Variants in GADL1 observed in about 807,000 individuals in gnomAD.
GADL1 encodes the protein acidic amino acid decarboxylase GADL1.
GADL1 carries 71 observed loss-of-function variants against 69.5 expected under a neutral mutation model. That is an observed-to-expected ratio of 1.02 (90% CI 0.84 to 1.25). The LOEUF is 1.25. Ranked by LOEUF, GADL1 falls within the 50% of genes most tolerant of loss-of-function variation. The pLI is 0.00. For missense variants in GADL1, 737 were observed against 631.8 expected (o/e 1.17, Z -1.79); for synonymous variants, 254 against 214.4 (o/e 1.18, Z -1.62).
Position 30,727,232 on chromosome 3 carries a change from A to T in GADL1, c.*1010T>A, listed in dbSNP as rs917645018. 3 of 150,948 alleles carry T rather than the reference A, an allele frequency of 2.0e-5. No homozygotes were observed. The highest frequency in any genetic ancestry group is 7.3e-5 in the African/African-American group (3 of 41,312). The allele number at this position is 150,948 out of a possible 1,614,324, so 9.4% of individuals were successfully genotyped here. ...TCAGGTATCTTGAATAAAGAAAATT[A>T]GTCATAGACGAAAAAAAAGAAAACC... On this transcript the variant is annotated 3_prime_UTR_variant, in exon 15 of 15. Transcript: ENST00000282538.
At position 30,861,788 on chromosome 3, in the gene GADL1, T is replaced by C. The variant is rs1246849675; in HGVS notation, c.38-23A>G. 3.3e-6 allele frequency: 5 copies of C among 1,510,784 alleles called. No homozygotes were observed. In the South Asian group the frequency reaches 6.2e-5, roughly 19 times the overall value. The allele number at this position is 1,510,784 out of a possible 1,614,324, so 93.6% of individuals were successfully genotyped here. A position where few individuals can be genotyped will look rare whatever the true frequency, so the allele number is the denominator to read the frequency against. Reference sequence around the variant, plus strand: ...CTCCTGGAAGCAAGCAAACAAATTGTGTTTGAGAGATAATCTAATTACACC... The same window carrying C: ...CTCCTGGAAGCAAGCAAACAAATTGCGTTTGAGAGATAATCTAATTACACC... On this transcript the variant is annotated intron_variant, in intron 1 of 14. Coordinates refer to ENST00000282538, the MANE Select transcript of GADL1 (RefSeq NM_207359.3).
At chr3:30,822,215 G>T (rs1697594405) in intron 11 of GADL1, among the ~76,000 whole-genome samples, 1 of 152,036 alleles carries the variant, frequency 6.6e-6, no homozygotes, top group Non-Finnish European at 1.5e-5. Context: ...AATTGAAGAA[G>T]ACAGGTTTAG....
chr3:30,740,229 A>T (rs936420259), intron 14 of GADL1, among the ~76,000 whole-genome samples: 1 of 152,186 alleles, frequency 6.6e-6, no homozygotes, highest in Non-Finnish European at 1.5e-5. Context: ...GGGCTCTGGT[A>T]TTTAAAAAGA....
At chr3:30,754,141 T>C (rs1010912821) in intron 14 of GADL1, among the ~76,000 whole-genome samples, 2 of 152,208 alleles carry the variant, frequency 1.3e-5, no homozygotes, top group Non-Finnish European at 2.9e-5. Context: ...AAAAACCCTT[T>C]TAAGAAAAAT....
At chr3:30,826,524 C>G (rs1406520178) in intron 11 of GADL1, among the ~76,000 whole-genome samples, 2 of 151,840 alleles carry the variant, frequency 1.3e-5, no homozygotes, top group African/African-American at 4.8e-5. Context: ...CTAAGCCAAA[C>G]TGACAAAATA....
intron 14 of GADL1, among the ~76,000 whole-genome samples, chr3:30,759,064 A>C (rs1254628652): frequency 7.9e-6 from 1 of 127,080 alleles, no homozygotes; most frequent in Non-Finnish European, 1.8e-5. Flanking sequence ...CATAATGATT[A>C]AAAATCCGTT....
chr3:30,839,014 G>A lies in GADL1; in HGVS notation c.886C>T (p.Leu296Phe), dbSNP rs1448610408. 7.5e-6 allele frequency: 12 copies of A among 1,597,388 alleles called. No homozygotes were observed. The highest frequency in any genetic ancestry group is 9.4e-6 in the Non-Finnish European group (11 of 1,170,604). ...GAACTTACATCTACATGAAGCCAGA[G>A]GCTGTGCCTCTCGCAGATGTCTGCT... Reference protein sequence around the residue: ...EIADICERHSLWLHVDASWGG... With the variant: ...EIADICERHSFWLHVDASWGG... The change falls in exon 9 of 15, where the codon CTC becomes TTC. Residue 296 changes from leucine (L) to phenylalanine (F), a missense_variant. By Grantham distance (22) the Leu-to-Phe change is conservative (BLOSUM62 0). Transcript: ENST00000282538.
At chr3:30,869,527 G>A (rs1397093387) in intron 1 of GADL1, among the ~76,000 whole-genome samples, 1 of 151,864 alleles carries the variant, frequency 6.6e-6, no homozygotes, top group African/African-American at 2.4e-5. Context: ...AAGGCTTAGG[G>A]ATTGAACCAT....
At chr3:30,832,591 C>A (rs994353404) in intron 11 of GADL1, among the ~76,000 whole-genome samples, 1 of 151,944 alleles carries the variant, frequency 6.6e-6, no homozygotes, top group Admixed American at 6.6e-5. Context: ...ATGTAAAATA[C>A]CTCACTCATA....
Position 30,728,040 on chromosome 3 carries a change from TCTTC to T in GADL1, c.*198_*201del. 2.2e-6 allele frequency: 1 copy of T among 462,316 alleles called. No individual in the cohort carries two copies. Among genetic ancestry groups the T allele is most frequent in the Non-Finnish European group, 3.8e-6 (1 of 260,602 alleles). The allele number at this position is 462,316 out of a possible 1,614,324, so 28.6% of individuals were successfully genotyped here. On this transcript the variant is annotated 3_prime_UTR_variant, in exon 15 of 15. Transcript: ENST00000282538. Reference sequence around the variant, plus strand: ...GAAAATCATTTTTTTTTTTAAACTTTCTTCTTTTAGCAACAGTAATGCCCAGGCA... The same window carrying T: ...GAAAATCATTTTTTTTTTTAAACTTTTTTTAGCAACAGTAATGCCCAGGCA...
intron 14 of GADL1, among the ~76,000 whole-genome samples, chr3:30,747,867 C>T (rs17026527): frequency 0.21 from 32,025 of 151,922 alleles, 5,077 homozygotes; most frequent in African/African-American, 0.45. Context: ...AGAGTTAAAA[C>T]GAGTCTGTTC....
chr3:30,773,787 C>T (rs980078788), intron 14 of GADL1, among the ~76,000 whole-genome samples: 1 of 152,090 alleles, frequency 6.6e-6, no homozygotes, highest in Non-Finnish European at 1.5e-5. Flanking sequence ...TAACTTAATA[C>T]ATTTTTAGAA....
intron 14 of GADL1, among the ~76,000 whole-genome samples, chr3:30,763,913 G>T (rs1414191499): frequency 6.6e-6 from 1 of 151,936 alleles, no homozygotes; most frequent in Non-Finnish European, 1.5e-5. Context: ...TTTGAAAAAT[G>T]ATTTTATAAA....
intron 1 of GADL1, among the ~76,000 whole-genome samples, chr3:30,875,367 A>G (rs1213255283): frequency 6.6e-6 from 1 of 151,914 alleles, no homozygotes. Flanking sequence ...TCTCATCCAC[A>G]AAATATCCTC....
At chr3:30,863,710 C>CAA (rs5847670) in intron 1 of GADL1, among the ~76,000 whole-genome samples, 49,425 of 150,450 alleles carry the variant, frequency 0.33, 8,307 homozygotes, top group East Asian at 0.53. Context: ...CAATGGTCTA[C>CAA]AAAAAAAAAC....
At chr3:30,860,658 ATACT>A (rs1365045902) in intron 2 of GADL1, among the ~76,000 whole-genome samples, 9 of 152,046 alleles carry the variant, frequency 5.9e-5, no homozygotes, top group Non-Finnish European at 1.3e-4. Context: ...TTTAAAAATG[ATACT>A]TATTTCTAAC....
intron 14 of GADL1, among the ~76,000 whole-genome samples, chr3:30,760,998 C>T (rs933359838): frequency 3.9e-5 from 6 of 152,034 alleles, no homozygotes; most frequent in African/African-American, 1.4e-4. Flanking sequence ...ACTGGCAAAA[C>T]AAGGATTAAA....
At chr3:30,850,459 A>G (rs985516022) in intron 5 of GADL1, among the ~76,000 whole-genome samples, 3 of 152,116 alleles carry the variant, frequency 2.0e-5, no homozygotes, top group African/African-American at 7.2e-5. Context: ...AATTGAAATA[A>G]TATTTGTTGG....
At chr3:30,875,313 T>G (rs930112961) in intron 1 of GADL1, among the ~76,000 whole-genome samples, 10 of 151,842 alleles carry the variant, frequency 6.6e-5, no homozygotes, top group Non-Finnish European at 1.3e-4. Flanking sequence ...GAAACCAATT[T>G]TGCAATCTAT....
Sources: gnomAD v4.1 joint callset for allele counts (sites outside exome capture counted in the v4.1 genomes callset) on GRCh38, gnomAD v4.1.1 for gene constraint, MANE v1.5 for transcripts, NCBI Gene and HGNC (gene_info 2026-07-23, HGNC 2026-07-21) for gene names.